Variants in LRRC37A observed in about 807,000 individuals in gnomAD.
The protein encoded by LRRC37A is leucine-rich repeat-containing protein 37A.
A neutral mutation model predicts 35.4 loss-of-function variants in LRRC37A; 3 were observed. That is an observed-to-expected ratio of 0.08 (90% CI 0.04 to 0.22). The LOEUF is 0.22. LRRC37A is among the 10% of genes least tolerant of loss of function. LRRC37A has a pLI of 1.00. For synonymous variants in LRRC37A, 23 were observed against 215.0 expected (o/e 0.11, Z 7.81); for missense variants, 67 against 565.3 (o/e 0.12, Z 8.94).
the LRRC37A span, among the ~76,000 whole-genome samples, chr17:46,278,166 G>A: frequency 0.11 from 17,107 of 149,680 alleles, no homozygotes; most frequent in Non-Finnish European, 0.17. Context: ...AGCTGGTCTC[G>A]AACTCCTGAC....
chr17:46,269,882 C>T, the LRRC37A span, among the ~76,000 whole-genome samples: 55 of 152,316 alleles, frequency 3.6e-4, no homozygotes, highest in Non-Finnish European at 3.5e-4. Context: ...GAGAAAAAGC[C>T]TTTCTCAAAT....
At chr17:46,277,007 G>A in the LRRC37A span, among the ~76,000 whole-genome samples, 1 of 152,072 alleles carries the variant, frequency 6.6e-6, no homozygotes, top group Non-Finnish European at 1.5e-5. Flanking sequence ...GTTTCCCCAT[G>A]TTGCCCAGGC....
the LRRC37A span, among the ~76,000 whole-genome samples, chr17:46,283,545 TA>T: frequency 6.6e-6 from 1 of 152,240 alleles, no homozygotes; most frequent in Non-Finnish European, 1.5e-5. Context: ...GCTCTAGTAA[TA>T]AGTTACCTAA....
chr17:46,261,761 A>T, the LRRC37A span, among the ~76,000 whole-genome samples: 1 of 152,046 alleles, frequency 6.6e-6, no homozygotes, highest in African/African-American at 2.4e-5. Context: ...AAGAAGAAGA[A>T]GAAGAAAAAG....
chr17:46,249,147 AT>A, the LRRC37A span, among the ~76,000 whole-genome samples: 1 of 152,148 alleles, frequency 6.6e-6, no homozygotes, highest in East Asian at 1.9e-4. Context: ...CCTGGAGCCA[AT>A]CCCCTGCAGA....
the LRRC37A span, among the ~76,000 whole-genome samples, chr17:46,254,395 G>GTATTTATTTATTTATCTATCTATT: frequency 1.3e-5 from 2 of 151,284 alleles, no homozygotes; most frequent in African/African-American, 4.9e-5. Flanking sequence ...GCCATTTATT[G>GTATTTATTTATTTATCTATCTATT]TATTTATTTA....
chr17:46,269,532 C>T, the LRRC37A span, among the ~76,000 whole-genome samples: 1 of 152,182 alleles, frequency 6.6e-6, no homozygotes, highest in South Asian at 2.1e-4. Flanking sequence ...CAAAAACAAA[C>T]AAAGTGTACA....
At chr17:46,251,328 G>A in the LRRC37A span, among the ~76,000 whole-genome samples, 2 of 150,358 alleles carry the variant, frequency 1.3e-5, no homozygotes, top group Non-Finnish European at 2.9e-5. Flanking sequence ...GCACGATCTC[G>A]CCTCACTGCA....
chr17:46,248,055 T>C, the LRRC37A span, among the ~76,000 whole-genome samples: 1 of 151,912 alleles, frequency 6.6e-6, no homozygotes, highest in Non-Finnish European at 1.5e-5. Context: ...CTGGGGTTCA[T>C]ATCATGAATG....
the LRRC37A span, among the ~76,000 whole-genome samples, chr17:46,253,656 G>A: frequency 6.6e-6 from 1 of 151,562 alleles, no homozygotes; most frequent in Non-Finnish European, 1.5e-5. Context: ...GGCTGAGGCA[G>A]GAGAATCAGG....
At chr17:46,283,889 C>A in the LRRC37A span, among the ~76,000 whole-genome samples, 1 of 152,348 alleles carries the variant, frequency 6.6e-6, no homozygotes, top group African/African-American at 2.4e-5. Flanking sequence ...AAGGTCTCTG[C>A]ATCATAGACA....
chr17:46,265,605 T>C, the LRRC37A span, among the ~76,000 whole-genome samples: 2 of 50,334 alleles, frequency 4.0e-5, no homozygotes, highest in Admixed American at 3.2e-4. Flanking sequence ...CAGCTTCCCA[T>C]GTGGCTGGGA....
At chr17:46,265,093 C>T in the LRRC37A span, among the ~76,000 whole-genome samples, 1 of 152,020 alleles carries the variant, frequency 6.6e-6, no homozygotes, top group Non-Finnish European at 1.5e-5. Flanking sequence ...CTGGTGTACC[C>T]AAGCTTTGCA....
the LRRC37A span, among the ~76,000 whole-genome samples, chr17:46,258,848 G>GAGACTA: frequency 6.7e-6 from 1 of 150,006 alleles, no homozygotes; most frequent in East Asian, 2.0e-4. Context: ...CCAAGTAGCT[G>GAGACTA]AGACTACAGG....
At chr17:46,275,785 G>T in the LRRC37A span, among the ~76,000 whole-genome samples, 1 of 152,008 alleles carries the variant, frequency 6.6e-6, no homozygotes, top group African/African-American at 2.4e-5. Context: ...ACGGATGAGG[G>T]GAATATAAAG....
In LRRC37A at chr17:46,322,850, A is replaced by G; in HGVS notation, c.2979-103A>G. 2 of 285,178 alleles carry G rather than the reference A, an allele frequency of 7.0e-6. 1 individual carries two copies. The highest frequency in any genetic ancestry group is 5.1e-5 in the African/African-American group (2 of 39,042). 17.7% of individuals were successfully genotyped at this position (285,178 alleles called of 1,614,324 possible). On this transcript the variant is annotated intron_variant, in intron 6 of 13. Coordinates refer to ENST00000320254, the Ensembl canonical transcript of LRRC37A. ...CTCCCTGGAATTCTACAGCAAATAA[A>G]GTCTTGAGCTGGCTTGTTTAATAGA...
the LRRC37A span, chr17:46,260,737 C>T: frequency 5.6e-5 from 41 of 738,322 alleles, no homozygotes; most frequent in Middle Eastern, 3.9e-4. Flanking sequence ...GATTCTCCTG[C>T]CTCAGCCTCC....
the LRRC37A span, among the ~76,000 whole-genome samples, chr17:46,277,578 G>T: frequency 2.0e-5 from 3 of 152,088 alleles, no homozygotes; most frequent in South Asian, 4.1e-4. Flanking sequence ...TGAAATCCAG[G>T]CTCCCTATGA....
chr17:46,291,193 A>G (rs537097116), upstream of LRRC37A, among the ~76,000 whole-genome samples: 26 of 152,378 alleles, frequency 1.7e-4, no homozygotes, highest in African/African-American at 5.8e-4. Context: ...ATATATTTTT[A>G]TAACATCGTG....
Sources: gnomAD v4.1 joint callset for allele counts (sites outside exome capture counted in the v4.1 genomes callset) on GRCh38, gnomAD v4.1.1 for gene constraint, MANE v1.5 for transcripts, NCBI Gene and HGNC (gene_info 2026-07-23, HGNC 2026-07-21) for gene names.